The following SMC3 variants were observed in gnomAD, a reference collection of about 807,000 sequenced individuals.
SMC3 encodes the protein structural maintenance of chromosomes 3.
Under a neutral mutation model 171.8 loss-of-function variants are expected in SMC3, and 20 were observed. That is an observed-to-expected ratio of 0.12 (90% confidence interval 0.08 to 0.17). The LOEUF is 0.17. Among genes scored for constraint, SMC3 ranks in the 10% least tolerant of loss-of-function variants. SMC3 has a pLI of 1.00. For missense variants in SMC3, 543 were observed against 1,420.4 expected, an observed-to-expected ratio of 0.38 and a Z score of 9.93; for synonymous variants, 464 against 451.1, an observed-to-expected ratio of 1.03 and a Z score of -0.36.
At chr10:110,569,875 A>T (rs908712482) in intron 2 of SMC3, among the ~76,000 whole-genome samples, 2 of 152,146 alleles carry the variant, frequency 1.3e-5, no homozygotes, top group African/African-American at 4.8e-5. Context: ...GTTTTCTGAC[A>T]CTCTGCTGAG....
intron 22 of SMC3, 61 bp downstream of exon 22, chr10:110,600,607 G>A: frequency 1.2e-6 from 1 of 856,422 alleles, no homozygotes; most frequent in African/African-American, 1.7e-5. Flanking sequence ...CCTATTGCAA[G>A]TGGTTATATC....
At chr10:110,586,370 A>C (rs537144031) in intron 13 of SMC3, among the ~76,000 whole-genome samples, 23 of 152,286 alleles carry the variant, frequency 1.5e-4, no homozygotes, top group Admixed American at 5.9e-4. Context: ...GAAGGAGTGG[A>C]AAAGTTGGGT....
intron 6 of SMC3, 77 bp from the exon 7 acceptor site, chr10:110,578,551 C>G: frequency 9.8e-7 from 1 of 1,018,836 alleles, no homozygotes; most frequent in East Asian, 2.6e-5. Context: ...TGCTATCAAC[C>G]AAGGGGCTAC....
chr10:110,584,816 G>T (rs1861084337), intron 13 of SMC3, among the ~76,000 whole-genome samples: 1 of 152,098 alleles, frequency 6.6e-6, no homozygotes, highest in Admixed American at 6.5e-5. Context: ...GTAGAGACGA[G>T]GTCTTGCCAT....
rs1409117731 is a variant in SMC3, at chr10:110,584,351, G to A, written c.1260G>A (p.Leu420=). The A allele has an allele frequency of 1.9e-6, 3 of 1,613,768 alleles. No individual in the cohort carries two copies. The highest frequency in any genetic ancestry group is 4.5e-5 in the East Asian group (2 of 44,870). ...AGATTGCTGCTATACATAAGGATTT[G>A]GAAGACACTGAAGCAAATAAAGAGA... ...KRQIAAIHKD[L]EDTEANKEKN... is the part of the protein sequence containing the mutation. Residue 420 remains leucine, a synonymous_variant, in exon 13 of 29, where the codon TTG becomes TTA. Coordinates refer to ENST00000361804, the MANE Select transcript of SMC3 (RefSeq NM_005445.4).
intron 21 of SMC3, among the ~76,000 whole-genome samples, chr10:110,600,034 T>C (rs1451246941): frequency 1.3e-5 from 2 of 152,238 alleles, no homozygotes; most frequent in Non-Finnish European, 2.9e-5. Context: ...AAAATTTAGT[T>C]AATTAGCATT....
At chr10:110,595,086 G>A (rs1221291442) in intron 18 of SMC3, among the ~76,000 whole-genome samples, 1 of 151,632 alleles carries the variant, frequency 6.6e-6, no homozygotes, top group South Asian at 2.1e-4. Flanking sequence ...AGGTTCAAGC[G>A]ATTCTCCTGC....
chr10:110,582,936 T>G (rs1288507931), intron 10 of SMC3, among the ~76,000 whole-genome samples: 1 of 151,302 alleles, frequency 6.6e-6, no homozygotes, highest in South Asian at 2.1e-4. Context: ...CTGAAGTTTT[T>G]TTTTTTTTTT....
At chr10:110,598,711 C>G (rs1317007232) in intron 20 of SMC3, among the ~76,000 whole-genome samples, 2 of 151,986 alleles carry the variant, frequency 1.3e-5, no homozygotes, top group African/African-American at 2.4e-5. Context: ...CAGGCTAGAC[C>G]CATACTTTTG....
rs190994656 is a variant in SMC3, at chr10:110,596,950, G to A, written c.2116+400G>A. Reference sequence around the variant, plus strand: ...AGAGAGTGGGGGCGGCATCAGTAATGTTACATATTGCTTAGAAGTCAAATA... The same window carrying A: ...AGAGAGTGGGGGCGGCATCAGTAATATTACATATTGCTTAGAAGTCAAATA... On this transcript the variant is annotated intron_variant, in intron 19 of 28. Transcript: ENST00000361804. Among the ~76,000 whole-genome samples the A allele has an allele frequency of 1.6e-4, 25 of 151,856 alleles. No homozygotes were observed. The East Asian group carries it at 3.5e-3, about 21-fold the overall frequency.
intron 14 of SMC3, 90 bp from the exon 15 acceptor site, chr10:110,589,802 T>A: frequency 6.8e-7 from 1 of 1,474,762 alleles, no homozygotes; most frequent in Non-Finnish European, 9.5e-7. Context: ...CGGTCAGGCT[T>A]GTTTTCTGTA....
At chr10:110,601,496 A>G (rs1047119948) in intron 23 of SMC3, 141 bp from the exon 24 acceptor site, 6 of 836,186 alleles carry the variant, frequency 7.2e-6, no homozygotes, top group African/African-American at 6.8e-5. Flanking sequence ...CTGACTTAAC[A>G]TGGTTCATAA....
intron 2 of SMC3, among the ~76,000 whole-genome samples, chr10:110,573,384 G>T (rs1423728173): frequency 6.6e-6 from 1 of 151,372 alleles, no homozygotes; most frequent in African/African-American, 2.4e-5. Context: ...AGTTAAAATA[G>T]AATTATATAT....
chr10:110,569,715 C>G (rs1010046373), intron 2 of SMC3, among the ~76,000 whole-genome samples: 1 of 151,980 alleles, frequency 6.6e-6, no homozygotes, highest in Non-Finnish European at 1.5e-5. Flanking sequence ...GGAGATGATA[C>G]CTGTCTCATA....
At chr10:110,596,745 C>T (rs1184070558) in intron 19 of SMC3, among the ~76,000 whole-genome samples, 195 bp downstream of exon 19, 1 of 151,888 alleles carries the variant, frequency 6.6e-6, no homozygotes, top group African/African-American at 2.4e-5. Flanking sequence ...TAGCTAATAC[C>T]ATGAAGTCAC....
In SMC3 at chr10:110,604,819, T is replaced by C. The variant is rs1554884350; in HGVS notation, c.*517T>C. On this transcript the variant is annotated 3_prime_UTR_variant, in exon 29 of 29. Transcript: ENST00000361804. The stretch of plus-strand genomic sequence containing the variant: ...TGAGTTTGGGAAGGGAAGCACAAAA[T>C]CAGCCCCTACCATGGTATATTTATC... 6.6e-6 allele frequency among the ~76,000 whole-genome samples: 1 copy of C among 152,150 alleles called. No homozygotes were observed. Among genetic ancestry groups the C allele is most frequent in the Non-Finnish European group, 1.5e-5 (1 of 67,996 alleles).
chr10:110,604,909 G>T lies in SMC3; in HGVS notation c.*607G>T, dbSNP rs529884768. Among the ~76,000 whole-genome samples, 4 of 152,122 alleles carry T rather than the reference G, an allele frequency of 2.6e-5. No individual in the cohort carries two copies. The highest frequency in any genetic ancestry group is 9.6e-5 in the African/African-American group (4 of 41,500). ...AGATTTGACTAGTTTTTCCACTAAG[G>T]CCCTTTTTCTTTTCTAGGATCCCAC... is the stretch of plus-strand genomic sequence containing the variant. On this transcript the variant is annotated 3_prime_UTR_variant, in exon 29 of 29. Coordinates refer to ENST00000361804, the MANE Select transcript of SMC3 (RefSeq NM_005445.4).
At chr10:110,578,366 C>T (rs181434634) in intron 6 of SMC3, among the ~76,000 whole-genome samples, 2 of 152,318 alleles carry the variant, frequency 1.3e-5, no homozygotes, top group East Asian at 3.9e-4. Flanking sequence ...CCACTGCGCC[C>T]AGCCCGCAAT....
chr10:110,597,905 A>G (rs1176482439), intron 19 of SMC3, among the ~76,000 whole-genome samples: 3 of 152,242 alleles, frequency 2.0e-5, no homozygotes, highest in Non-Finnish European at 1.5e-5. Flanking sequence ...ACTTTTAGTA[A>G]AACAGTATAC....
Sources: gnomAD v4.1 joint callset for allele counts (sites outside exome capture counted in the v4.1 genomes callset) on GRCh38, gnomAD v4.1.1 for gene constraint, MANE v1.5 for transcripts, NCBI Gene and HGNC (gene_info 2026-07-23, HGNC 2026-07-21) for gene names.